RFX3: variants seen among roughly 807,000 people sequenced by gnomAD.
The protein encoded by RFX3 is regulatory factor X3, also known as transcription factor RFX3.
RFX3 carries 14 observed loss-of-function variants against 98.6 expected under a neutral mutation model. That is an observed-to-expected ratio of 0.14 (90% CI 0.09 to 0.22). The LOEUF (loss-of-function observed/expected upper bound fraction) is 0.22. Among genes scored for constraint, RFX3 ranks in the 10% least tolerant of loss-of-function variants. RFX3 has a pLI of 1.00. For missense variants in RFX3, 639 were observed against 926.9 expected, an observed-to-expected ratio of 0.69 and a Z score of 4.03; for synonymous variants, 383 against 328.4, an observed-to-expected ratio of 1.17 and a Z score of -1.80.
chr9:3,403,296 A>C (rs2132055706), intron 1 of RFX3, among the ~76,000 whole-genome samples: 1 of 152,262 alleles, frequency 6.6e-6, no homozygotes, highest in Admixed American at 6.5e-5. Context: ...TATCAAATCA[A>C]TAAATCAAGT....
chr9:3,267,098 A>T (rs911512222), intron 11 of RFX3, among the ~76,000 whole-genome samples: 3 of 151,982 alleles, frequency 2.0e-5, no homozygotes, highest in Non-Finnish European at 4.4e-5. Context: ...TTATAAGAAA[A>T]AATCTGCTTA....
At chr9:3,494,580 T>G (rs1228263175) in intron 1 of RFX3, among the ~76,000 whole-genome samples, 2 of 152,128 alleles carry the variant, frequency 1.3e-5, no homozygotes, top group African/African-American at 4.8e-5. Flanking sequence ...AAATCATAGT[T>G]GTATCTATCT....
At chr9:3,522,920 A>C (rs993831527) in intron 1 of RFX3, among the ~76,000 whole-genome samples, 1 of 152,154 alleles carries the variant, frequency 6.6e-6, no homozygotes, top group Non-Finnish European at 1.5e-5. Flanking sequence ...TAAGCTTATA[A>C]ACTATAACCT....
At chr9:3,412,726 T>C (rs1259405172) in intron 1 of RFX3, among the ~76,000 whole-genome samples, 1 of 152,132 alleles carries the variant, frequency 6.6e-6, no homozygotes, top group Admixed American at 6.5e-5. Context: ...TCTGTTACAG[T>C]TATTCTTAGA....
chr9:3,312,737 G>C (rs1830108880), intron 4 of RFX3, among the ~76,000 whole-genome samples: 1 of 152,186 alleles, frequency 6.6e-6, no homozygotes, highest in Non-Finnish European at 1.5e-5. Context: ...TGGCTCAGGG[G>C]GTCCCACGCC....
intron 2 of RFX3, among the ~76,000 whole-genome samples, chr9:3,365,520 A>C (rs902978884): frequency 2.0e-5 from 3 of 152,126 alleles, no homozygotes; most frequent in Non-Finnish European, 4.4e-5. Flanking sequence ...TCAACTTACT[A>C]TTCATCTAAA....
intron 1 of RFX3, among the ~76,000 whole-genome samples, chr9:3,425,361 T>A (rs1843910231): frequency 6.6e-6 from 1 of 152,242 alleles, no homozygotes; most frequent in Non-Finnish European, 1.5e-5. Flanking sequence ...ATTTTATATA[T>A]CTGTATGGTC....
intron 15 of RFX3, among the ~76,000 whole-genome samples, chr9:3,241,064 T>C (rs1048672166): frequency 2.0e-5 from 3 of 152,208 alleles, no homozygotes; most frequent in Non-Finnish European, 2.9e-5. Context: ...TTTTAAAAAG[T>C]CTTCAACTTC....
At chr9:3,457,783 TTTTACCGATTGCCATCTATATGCAA>T (rs1193699962) in intron 1 of RFX3, among the ~76,000 whole-genome samples, 13 of 152,086 alleles carry the variant, frequency 8.5e-5, no homozygotes, top group African/African-American at 2.9e-4. Flanking sequence ...TCAATGAATG[TTTTACCGATTGCCATCTATATGCAA>T]TTCACCAAAC....
At chr9:3,252,689 G>GAT (rs771961941) in intron 14 of RFX3, among the ~76,000 whole-genome samples, 2 of 152,114 alleles carry the variant, frequency 1.3e-5, no homozygotes, top group Non-Finnish European at 2.9e-5. Flanking sequence ...AGTAGGCCAT[G>GAT]ATAAGGCCTT....
At chr9:3,347,884 T>C (rs765827348) in intron 2 of RFX3, among the ~76,000 whole-genome samples, 2 of 152,202 alleles carry the variant, frequency 1.3e-5, no homozygotes, top group Non-Finnish European at 2.9e-5. Flanking sequence ...TTTTCATTTG[T>C]ATTTCTAAGA....
At chr9:3,516,249 C>T (rs988326130) in intron 1 of RFX3, among the ~76,000 whole-genome samples, 2 of 152,052 alleles carry the variant, frequency 1.3e-5, no homozygotes, top group Admixed American at 6.6e-5. Flanking sequence ...GGGGTTTCAT[C>T]GTGTTAGCCA....
At chr9:3,467,166 T>C (rs569824320) in intron 1 of RFX3, among the ~76,000 whole-genome samples, 1,873 of 142,628 alleles carry the variant, frequency 0.013, 18 homozygotes, top group Middle Eastern at 0.029. Context: ...TGTATATACG[T>C]ATATAATGTA....
At chr9:3,378,397 A>G (rs1025293215) in intron 2 of RFX3, among the ~76,000 whole-genome samples, 1 of 152,146 alleles carries the variant, frequency 6.6e-6, no homozygotes, top group Non-Finnish European at 1.5e-5. Context: ...CTGAAAATGG[A>G]AAGTGTAACA....
chr9:3,511,998 G>A (rs1485394931), intron 1 of RFX3, among the ~76,000 whole-genome samples: 1 of 152,066 alleles, frequency 6.6e-6, no homozygotes, highest in African/African-American at 2.4e-5. Context: ...TAAGGTGACA[G>A]ACACCCCATT....
chr9:3,439,131 T>C (rs776618592), intron 1 of RFX3, among the ~76,000 whole-genome samples: 2 of 151,000 alleles, frequency 1.3e-5, no homozygotes, highest in Non-Finnish European at 3.0e-5. Context: ...CTGAACGAAA[T>C]TAAAAAAAAT....
intron 1 of RFX3, among the ~76,000 whole-genome samples, chr9:3,507,202 A>T (rs1817189115): frequency 6.6e-6 from 1 of 151,966 alleles, no homozygotes; most frequent in African/African-American, 2.4e-5. Flanking sequence ...AGATAATAAG[A>T]AATTACTAGA....
At chr9:3,439,121 C>A (rs569262501) in intron 1 of RFX3, among the ~76,000 whole-genome samples, 5 of 151,720 alleles carry the variant, frequency 3.3e-5, no homozygotes, top group African/African-American at 9.7e-5. Flanking sequence ...GTATTTTAAA[C>A]TGAACGAAAT....
intron 1 of RFX3, among the ~76,000 whole-genome samples, chr9:3,467,507 A>G (rs1476899027): frequency 6.6e-6 from 1 of 151,884 alleles, no homozygotes; most frequent in Non-Finnish European, 1.5e-5. Context: ...TTACATGAAA[A>G]TTATTTCTCA....
Sources: allele counts gnomAD v4.1 joint callset (sites outside exome capture counted in the v4.1 genomes callset), GRCh38; gene constraint gnomAD v4.1.1; transcripts MANE v1.5; gene names NCBI Gene and HGNC (gene_info 2026-07-23, HGNC 2026-07-21).